Variants in USP3 observed in about 807,000 individuals in gnomAD.
USP3 encodes ubiquitin specific peptidase 3.
USP3 carries 20 observed loss-of-function variants against 72.3 expected under a neutral mutation model. The ratio of observed to expected loss-of-function variants is 0.28; its 90% CI spans 0.19 to 0.40. The LOEUF (loss-of-function observed/expected upper bound fraction) is 0.40, where lower values mean the gene tolerates loss of function less well. Ranked by LOEUF, USP3 falls within the 10% of genes least tolerant of loss-of-function variation. USP3 has a pLI of 1.00. For synonymous variants in USP3, 222 were observed against 225.3 expected (o/e 0.99, Z 0.13); for missense variants, 479 against 633.9 (o/e 0.76, Z 2.62).
Position 63,590,850 on chromosome 15 carries a change from CCAACCAT to C in USP3, c.*25_*31del, listed in dbSNP as rs2067185259. 6.3e-7 allele frequency: 1 copy of C among 1,584,088 alleles called. No individual in the cohort carries two copies. The highest frequency in any genetic ancestry group is 8.6e-7 in the Non-Finnish European group (1 of 1,164,598). ...AATACCTCCTCCAAATCATCATTCA[CCAACCAT>C]ACCAGAGAAACATTTCCAGTTTTCC... On this transcript the variant is annotated 3_prime_UTR_variant, in exon 15 of 15. Transcript: ENST00000380324.
intron 1 of USP3, among the ~76,000 whole-genome samples, chr15:63,523,159 A>G (rs928977878): frequency 3.3e-5 from 5 of 152,192 alleles, no homozygotes; most frequent in African/African-American, 1.2e-4. Flanking sequence ...TGTTTTGAAT[A>G]TAATTTAATT....
At chr15:63,583,969 T>C (rs144986597) in intron 11 of USP3, among the ~76,000 whole-genome samples, 1 of 152,188 alleles carries the variant, frequency 6.6e-6, no homozygotes, top group African/African-American at 2.4e-5. Flanking sequence ...CCAGTTCTTT[T>C]GGGTATATAC....
rs1316216744 is a variant in USP3 at position 63,588,952 on chromosome 15, C to G, written c.1338C>G (p.Asn446Lys). 1 of 1,614,160 alleles carries G rather than the reference C, an allele frequency of 6.2e-7. No homozygotes were observed. The highest frequency in any genetic ancestry group is 2.2e-5 in the East Asian group (1 of 44,874). Residue 446 changes from asparagine (N) to lysine (K), a missense_variant, in exon 14 of 15, where the codon AAC (asparagine) becomes AAG (lysine). By Grantham distance (94) the Asn-to-Lys change is moderately conservative (BLOSUM62 0). Transcript: ENST00000380324. This position sits in a 1 kb window ranked among gnomAD's most constrained non-coding sequence, Gnocchi z 4.6. ...TCTTCCTTGTTCTGTAGCCTGAGAA[C>G]AGTGGCCCGGAGAGCTGCCTGTATG... is the stretch of plus-strand genomic sequence containing the variant. ...DMKCYLLEPE[N>K]SGPESCLYDL...
chr15:63,569,337 T>G (rs1242788681), intron 8 of USP3, among the ~76,000 whole-genome samples: 1 of 152,344 alleles, frequency 6.6e-6, no homozygotes, highest in East Asian at 1.9e-4. Context: ...CCAGCTAGTT[T>G]AGAAAAAGCT....
At chr15:63,539,201 G>C (rs940141651) in intron 3 of USP3, among the ~76,000 whole-genome samples, 1 of 151,282 alleles carries the variant, frequency 6.6e-6, no homozygotes, top group African/African-American at 2.4e-5. Flanking sequence ...CTGTGTGTTT[G>C]TATTTCTGCT....
intron 4 of USP3, 24 bp from the exon 5 acceptor site, chr15:63,556,642 TC>T: frequency 6.4e-7 from 1 of 1,572,722 alleles, no homozygotes; most frequent in African/African-American, 1.4e-5. Flanking sequence ...AATAACTTTT[TC>T]ACTATCTGTT....
chr15:63,583,216 T>C (rs1453674683), intron 11 of USP3, among the ~76,000 whole-genome samples: 1 of 152,166 alleles, frequency 6.6e-6, no homozygotes, highest in Non-Finnish European at 1.5e-5. Flanking sequence ...TCATAAACCA[T>C]CTGGCTAATG....
chr15:63,570,525 G>T lies in USP3; in HGVS notation c.854G>T (p.Arg285Leu). Reference protein sequence around the residue: ...ELQGGFNGVSRSAILQENSTL... With the variant: ...ELQGGFNGVSLSAILQENSTL... ...CAGGGCGGTTTCAACGGTGTTTCCCGCTCAGCAATTCTGCAGGAGAATTCT... is the reference window on the plus strand; with the variant it reads ...CAGGGCGGTTTCAACGGTGTTTCCCTCTCAGCAATTCTGCAGGAGAATTCT... Residue 285 changes from arginine (R) to leucine (L), a missense_variant, in exon 9 of 15, where the codon CGC becomes CTC. Coordinates refer to ENST00000380324, the MANE Select transcript of USP3 (RefSeq NM_006537.4). The surrounding 1 kb of genome is among the most constrained non-coding windows in gnomAD (Gnocchi z 4.4). 6.2e-7 allele frequency: 1 copy of T among 1,614,132 alleles called. No homozygotes were observed. Among genetic ancestry groups the T allele is most frequent in the Non-Finnish European group, 8.5e-7 (1 of 1,179,992 alleles).
chr15:63,580,674 T>TATATATATA (rs1566917047), intron 11 of USP3, among the ~76,000 whole-genome samples: 5 of 131,150 alleles, frequency 3.8e-5, no homozygotes, highest in Admixed American at 7.7e-5. Flanking sequence ...TATATATGAA[T>TATATATATA]ATATAATATA....
intron 5 of USP3, 85 bp from the exon 6 acceptor site, chr15:63,558,021 T>G: frequency 7.0e-7 from 1 of 1,436,720 alleles, no homozygotes; most frequent in South Asian, 1.2e-5. Context: ...GTGCTAGATT[T>G]CAGAGGCCTT....
At chr15:63,515,857 C>T (rs1318065656) in intron 1 of USP3, among the ~76,000 whole-genome samples, 4 of 152,238 alleles carry the variant, frequency 2.6e-5, no homozygotes, top group Non-Finnish European at 5.9e-5. Flanking sequence ...CCTCCACTCT[C>T]AGTCCTGCTG....
At position 63,562,925 on chromosome 15, in the gene USP3, C is replaced by G. The variant is rs1429674484; in HGVS notation, c.678C>G (p.Leu226=). 2 of 1,612,554 alleles carry G rather than the reference C, an allele frequency of 1.2e-6. No homozygotes were observed. Among genetic ancestry groups the G allele is most frequent in the South Asian group, 2.2e-5 (2 of 90,404 alleles). The stretch of plus-strand genomic sequence containing the variant: ...TGGTAGAAGAGTTTAGAAAGACACT[C>G]TGTGCTTTATGGCAAGGCAGCCAGA... The part of the protein sequence containing the change: ...VSLVEEFRKT[L]CALWQGSQTA... Residue 226 remains leucine, a synonymous_variant, in exon 8 of 15, where the codon CTC becomes CTG. Coordinates refer to ENST00000380324, the MANE Select transcript of USP3 (RefSeq NM_006537.4).
chr15:63,574,181 A>G lies in USP3; in HGVS notation c.1015+29A>G, dbSNP rs1466711740. ...AGATATATGTGGCATGTGGATATAT[A>G]ATATTTTATTAAAATAAATTTAATG... is the stretch of plus-strand genomic sequence containing the variant. On this transcript the variant is annotated intron_variant, in intron 10 of 14. Coordinates refer to ENST00000380324, the MANE Select transcript of USP3 (RefSeq NM_006537.4). This position sits in a 1 kb window ranked among gnomAD's most constrained non-coding sequence, Gnocchi z 4.6. 1 of 1,451,538 alleles carries G rather than the reference A, an allele frequency of 6.9e-7. No homozygotes were observed. The highest frequency in any genetic ancestry group is 9.2e-7 in the Non-Finnish European group (1 of 1,082,602). 89.9% of individuals were successfully genotyped at this position (1,451,538 alleles called of 1,614,324 possible). A position where few individuals can be genotyped will look rare whatever the true frequency, so the allele number is the denominator to read the frequency against.
chr15:63,533,981 A>G (rs1180301308), intron 2 of USP3: 3 of 626,388 alleles, frequency 4.8e-6, no homozygotes, highest in African/African-American at 2.0e-5. Context: ...GTAGTGCTCT[A>G]CAACCTAAAT....
chr15:63,518,625 C>T (rs1035603487), intron 1 of USP3, among the ~76,000 whole-genome samples: 4 of 152,116 alleles, frequency 2.6e-5, no homozygotes, highest in Admixed American at 6.5e-5. Flanking sequence ...AAAGAACTTC[C>T]GTATACTTAG....
At chr15:63,555,188 G>GA (rs368090442) in intron 4 of USP3, among the ~76,000 whole-genome samples, 12 of 152,294 alleles carry the variant, frequency 7.9e-5, no homozygotes, top group African/African-American at 2.2e-4. Flanking sequence ...TTGGCTCCAT[G>GA]AAAAATCTAC....
intron 4 of USP3, among the ~76,000 whole-genome samples, chr15:63,556,069 A>G (rs2066502797): frequency 6.6e-6 from 1 of 152,214 alleles, no homozygotes; most frequent in African/African-American, 2.4e-5. Flanking sequence ...TACATCAAGA[A>G]AAATTTTGAG....
chr15:63,557,477 G>C (rs1394075933), intron 5 of USP3, among the ~76,000 whole-genome samples: 1 of 152,064 alleles, frequency 6.6e-6, no homozygotes, highest in African/African-American at 2.4e-5. Context: ...TGCTCAGGCT[G>C]GTCTCGAACT....
At chr15:63,584,834 A>G (rs2067028951) in intron 11 of USP3, among the ~76,000 whole-genome samples, 1 of 152,120 alleles carries the variant, frequency 6.6e-6, no homozygotes, top group Non-Finnish European at 1.5e-5. Context: ...TCATTGCCAA[A>G]TCTAATGTCA....
Sources: allele counts gnomAD v4.1 joint callset (sites outside exome capture counted in the v4.1 genomes callset), GRCh38; gene constraint gnomAD v4.1.1; non-coding constraint Gnocchi (gnomAD v3.1); transcripts MANE v1.5; gene names NCBI Gene and HGNC (gene_info 2026-07-23, HGNC 2026-07-21).